Variants in RGS6 observed in about 807,000 individuals in gnomAD.
RGS6 encodes the protein regulator of G protein signaling 6, also known as regulator of G-protein signaling 6.
A neutral mutation model predicts 78.5 loss-of-function variants in RGS6; 30 were observed. The observed-to-expected ratio is 0.38, with a 90% confidence interval of 0.29 to 0.52. The LOEUF is 0.52. Among genes scored for constraint, RGS6 ranks in the 20% least tolerant of loss-of-function variants. The pLI is 0.85. For missense variants in RGS6, 495 were observed against 609.7 expected (o/e 0.81, Z 1.98); for synonymous variants, 206 against 206.0 (o/e 1.00, Z 0.00).
rs763073741 is a variant in RGS6, at chr14:71,995,798, C to CA, written c.84+30924dup. ...TTCTTGGTTTTACTTTGCTACTCTC[C>CA]ATCCCCCACCAGCTTGACACACATT... On this transcript the variant is annotated intron_variant, in intron 2 of 17. Transcript: ENST00000553525. 1.1e-3 allele frequency among the ~76,000 whole-genome samples: 171 copies of CA among 152,192 alleles called. 3 individuals are homozygous for CA. The highest frequency in any genetic ancestry group is 2.5e-4 in the Non-Finnish European group (17 of 68,028).
At chr14:72,242,842 T>C (rs932140039) in intron 2 of RGS6, among the ~76,000 whole-genome samples, 3 of 5,124 alleles carry the variant, frequency 5.9e-4, no homozygotes, top group African/African-American at 1.1e-3. Context: ...TTCTTTTCTT[T>C]TTTTTTTTTT....
chr14:72,060,164 C>G (rs144143133), intron 2 of RGS6, among the ~76,000 whole-genome samples: 39 of 152,166 alleles, frequency 2.6e-4, no homozygotes, highest in African/African-American at 9.4e-4. Context: ...TCTATTAGGT[C>G]TTTGGTGATT....
At chr14:72,117,694 T>TCTACATTTAA (rs1187533707) in intron 2 of RGS6, among the ~76,000 whole-genome samples, 3 of 152,056 alleles carry the variant, frequency 2.0e-5, no homozygotes, top group Non-Finnish European at 4.4e-5. Context: ...TGGTGCACGA[T>TCTACATTTAA]CTACATTTAA....
At chr14:71,964,216 G>A (rs2093379340) in intron 1 of RGS6, among the ~76,000 whole-genome samples, 1 of 152,186 alleles carries the variant, frequency 6.6e-6, no homozygotes, top group African/African-American at 2.4e-5. Flanking sequence ...GATTATTTAA[G>A]ACTGCCGTGG....
the RGS6 span, among the ~76,000 whole-genome samples, chr14:72,615,687 G>C: frequency 6.6e-6 from 1 of 152,236 alleles, no homozygotes; most frequent in African/African-American, 2.4e-5. Flanking sequence ...ACCTCGCCCT[G>C]GGGCAGGGAC....
At chr14:72,164,655 C>T (rs1184647742) in intron 2 of RGS6, among the ~76,000 whole-genome samples, 1 of 152,056 alleles carries the variant, frequency 6.6e-6, no homozygotes, top group Non-Finnish European at 1.5e-5. Context: ...TTATGTGACT[C>T]AAAACCAGTG....
At chr14:72,192,129 G>C (rs2097334097) in intron 2 of RGS6, among the ~76,000 whole-genome samples, 1 of 152,196 alleles carries the variant, frequency 6.6e-6, no homozygotes, top group African/African-American at 2.4e-5. Flanking sequence ...TTACATGTCA[G>C]TCATCACTGA....
At chr14:72,172,211 A>G (rs2097031055) in intron 2 of RGS6, among the ~76,000 whole-genome samples, 1 of 151,838 alleles carries the variant, frequency 6.6e-6, no homozygotes, top group Non-Finnish European at 1.5e-5. Flanking sequence ...TTTAAGATGC[A>G]TCTGAACTCT....
chr14:72,548,128 C>T (rs550065957), intron 17 of RGS6, among the ~76,000 whole-genome samples: 3 of 152,132 alleles, frequency 2.0e-5, no homozygotes, highest in Middle Eastern at 3.4e-3. Flanking sequence ...AGTCTCTGAG[C>T]GGGCCACAAG....
intron 2 of RGS6, among the ~76,000 whole-genome samples, chr14:71,976,316 T>C (rs926770637): frequency 3.3e-5 from 5 of 151,470 alleles, no homozygotes; most frequent in Non-Finnish European, 5.9e-5. Context: ...ATTGTGCAGG[T>C]TAGTTACATA....
intron 1 of RGS6, among the ~76,000 whole-genome samples, chr14:71,951,619 A>G (rs982402048): frequency 6.6e-6 from 1 of 152,186 alleles, no homozygotes; most frequent in African/African-American, 2.4e-5. Flanking sequence ...GCATTACTGT[A>G]TAAATTTTAA....
At chr14:71,937,233 A>C (rs981175665) in intron 1 of RGS6, among the ~76,000 whole-genome samples, 3 of 152,142 alleles carry the variant, frequency 2.0e-5, no homozygotes, top group African/African-American at 7.2e-5. Flanking sequence ...GGCAATCTTA[A>C]CTTCCAGTTT....
At chr14:72,608,350 G>A in the RGS6 span, among the ~76,000 whole-genome samples, 1 of 152,278 alleles carries the variant, frequency 6.6e-6, no homozygotes, top group East Asian at 1.9e-4. Context: ...ACAGGCTGTT[G>A]CTTTAAGGCC....
intron 2 of RGS6, among the ~76,000 whole-genome samples, chr14:72,173,206 T>C (rs1185615956): frequency 6.6e-6 from 1 of 151,952 alleles, no homozygotes; most frequent in Non-Finnish European, 1.5e-5. Context: ...AGGGTGCTGC[T>C]AGCATCTAGT....
At chr14:72,047,632 C>G (rs2092946607) in intron 2 of RGS6, among the ~76,000 whole-genome samples, 3 of 152,182 alleles carry the variant, frequency 2.0e-5, no homozygotes, top group African/African-American at 7.2e-5. Context: ...GAAATAATAC[C>G]TATCAGATAT....
At chr14:72,015,829 T>C (rs2086834036) in intron 2 of RGS6, among the ~76,000 whole-genome samples, 1 of 152,248 alleles carries the variant, frequency 6.6e-6, no homozygotes, top group Admixed American at 6.5e-5. Context: ...ATTGAGTGTC[T>C]CTTCTGTACT....
At chr14:71,886,387 A>C in the RGS6 span, among the ~76,000 whole-genome samples, 5 of 152,232 alleles carry the variant, frequency 3.3e-5, no homozygotes, top group Non-Finnish European at 5.9e-5. Context: ...CACATTGCAC[A>C]GTAGGCAATC....
At chr14:72,583,121 C>T in the RGS6 span, among the ~76,000 whole-genome samples, 3 of 152,164 alleles carry the variant, frequency 2.0e-5, no homozygotes, top group East Asian at 3.9e-4. Context: ...GACTCTGAGA[C>T]TTGCACCAGC....
chr14:72,010,996 G>T (rs910167101), intron 2 of RGS6, among the ~76,000 whole-genome samples: 2 of 152,126 alleles, frequency 1.3e-5, no homozygotes, highest in South Asian at 4.1e-4. Context: ...TGGCAAAACC[G>T]CAATACTTTT....
Sources: gnomAD v4.1 joint callset for allele counts (sites outside exome capture counted in the v4.1 genomes callset) on GRCh38, gnomAD v4.1.1 for gene constraint, MANE v1.5 for transcripts, NCBI Gene and HGNC (gene_info 2026-07-23, HGNC 2026-07-21) for gene names.